ABTB3: variants seen among roughly 807,000 people sequenced by gnomAD.
ABTB3 encodes the protein ankyrin repeat and BTB domain containing 3.
At chr12:107,378,679 G>A in the ABTB3 span, among the ~76,000 whole-genome samples, 1 of 152,062 alleles carries the variant, frequency 6.6e-6, no homozygotes, top group Admixed American at 6.5e-5. Flanking sequence ...CCACACACTG[G>A]CTCGCCTTCC....
At chr12:107,469,405 C>G in the ABTB3 span, among the ~76,000 whole-genome samples, 1 of 152,336 alleles carries the variant, frequency 6.6e-6, no homozygotes, top group East Asian at 1.9e-4. Context: ...AGGTGCAGGA[C>G]CTTGGACAAG....
chr12:107,585,048 G>C, the ABTB3 span, among the ~76,000 whole-genome samples: 1 of 152,056 alleles, frequency 6.6e-6, no homozygotes, highest in Non-Finnish European at 1.5e-5. Flanking sequence ...ATTCGACAGG[G>C]TTTCTTATGT....
At chr12:107,407,323 A>G in the ABTB3 span, among the ~76,000 whole-genome samples, 1 of 152,226 alleles carries the variant, frequency 6.6e-6, no homozygotes, top group East Asian at 1.9e-4. Context: ...TCTGAAACTC[A>G]GTGACTAAAA....
chr12:107,619,235 G>A, the ABTB3 span, among the ~76,000 whole-genome samples: 23 of 152,272 alleles, frequency 1.5e-4, no homozygotes, highest in Admixed American at 8.5e-4. Context: ...TCGAGATTCC[G>A]AATGGGCTAC....
the ABTB3 span, among the ~76,000 whole-genome samples, chr12:107,578,254 G>A: frequency 3.9e-5 from 6 of 152,112 alleles, no homozygotes; most frequent in Admixed American, 6.5e-5. Context: ...TGAAAGGAGA[G>A]AATAGGTACA....
At chr12:107,479,470 G>C in the ABTB3 span, among the ~76,000 whole-genome samples, 2 of 152,000 alleles carry the variant, frequency 1.3e-5, no homozygotes, top group African/African-American at 4.8e-5. Flanking sequence ...CACTTTATAG[G>C]GCTGTTGTGA....
the ABTB3 span, among the ~76,000 whole-genome samples, chr12:107,432,928 A>G: frequency 6.6e-6 from 1 of 152,180 alleles, no homozygotes; most frequent in Non-Finnish European, 1.5e-5. Context: ...CAGCCCACTC[A>G]TTAACAAGCA....
At chr12:107,394,973 C>G in the ABTB3 span, among the ~76,000 whole-genome samples, 2 of 152,200 alleles carry the variant, frequency 1.3e-5, no homozygotes, top group African/African-American at 4.8e-5. Flanking sequence ...GTGTTTTTCT[C>G]CCTCTCTTCT....
At chr12:107,626,891 G>A in the ABTB3 span, among the ~76,000 whole-genome samples, 1 of 152,102 alleles carries the variant, frequency 6.6e-6, no homozygotes, top group Non-Finnish European at 1.5e-5. Context: ...AATAGCTCAA[G>A]AAGTCATCTG....
the ABTB3 span, among the ~76,000 whole-genome samples, chr12:107,333,649 T>C: frequency 6.6e-6 from 1 of 152,214 alleles, no homozygotes; most frequent in South Asian, 2.1e-4. Context: ...TAACCATTCA[T>C]TCGATCATTT....
the ABTB3 span, among the ~76,000 whole-genome samples, chr12:107,454,125 T>A: frequency 1.3e-5 from 2 of 152,252 alleles, no homozygotes; most frequent in African/African-American, 4.8e-5. Context: ...AGGTGCTCAA[T>A]AAGTGCTTGT....
chr12:107,366,339 T>A, the ABTB3 span, among the ~76,000 whole-genome samples: 1 of 152,186 alleles, frequency 6.6e-6, no homozygotes, highest in East Asian at 1.9e-4. Context: ...ATATAATTAT[T>A]CTCCTGAGAA....
chr12:107,548,093 T>G, the ABTB3 span, among the ~76,000 whole-genome samples: 1 of 152,204 alleles, frequency 6.6e-6, no homozygotes, highest in African/African-American at 2.4e-5. Flanking sequence ...CAGTCAAGTG[T>G]TTATTCACAC....
At chr12:107,328,634 T>C in the ABTB3 span, among the ~76,000 whole-genome samples, 4 of 152,240 alleles carry the variant, frequency 2.6e-5, no homozygotes, top group Admixed American at 6.5e-5. Flanking sequence ...CACACTCTTC[T>C]TGTGAAATGA....
the ABTB3 span, among the ~76,000 whole-genome samples, chr12:107,385,836 A>G: frequency 2.6e-5 from 4 of 152,166 alleles, no homozygotes; most frequent in Admixed American, 2.0e-4. Flanking sequence ...CGACCTTGTG[A>G]GAACAGCCCT....
the ABTB3 span, among the ~76,000 whole-genome samples, chr12:107,469,851 CTCTT>C: frequency 1.0e-3 from 141 of 139,482 alleles, no homozygotes; most frequent in East Asian, 7.4e-3. Context: ...CTCTCTCTTT[CTCTT>C]TCTTTCTTTC....
the ABTB3 span, among the ~76,000 whole-genome samples, chr12:107,445,405 T>C: frequency 3.3e-5 from 5 of 152,160 alleles, no homozygotes; most frequent in Admixed American, 2.0e-4. Flanking sequence ...AATGCGGAAA[T>C]AGCGCCCACA....
At chr12:107,353,284 A>G in the ABTB3 span, among the ~76,000 whole-genome samples, 1 of 152,142 alleles carries the variant, frequency 6.6e-6, no homozygotes, top group South Asian at 2.1e-4. Context: ...ACCATATGAC[A>G]CCATGTGAGC....
the ABTB3 span, among the ~76,000 whole-genome samples, chr12:107,560,046 T>C: frequency 4.3e-3 from 659 of 152,292 alleles, 21 homozygotes; most frequent in Non-Finnish European, 1.1e-3. Flanking sequence ...ACTGTGTATA[T>C]ATAATTTTGT....
Sources: allele counts gnomAD v4.1 joint callset (sites outside exome capture counted in the v4.1 genomes callset), GRCh38; gene constraint gnomAD v4.1.1; transcripts MANE v1.5; gene names NCBI Gene and HGNC (gene_info 2026-07-23, HGNC 2026-07-21).